CDC42BPB: variants seen among roughly 807,000 people sequenced by gnomAD.
CDC42BPB encodes the protein CDC42 binding protein kinase beta.
In CDC42BPB, 37 loss-of-function variants were observed where a neutral mutation model predicts 214.9. That is an observed-to-expected ratio of 0.17 (90% CI 0.13 to 0.23). The LOEUF (loss-of-function observed/expected upper bound fraction) is 0.23. Ranked by LOEUF, CDC42BPB falls within the 10% of genes least tolerant of loss-of-function variation. The probability of loss-of-function intolerance (pLI) is 1.00; values close to 1 mark genes in which losing one functional copy is unlikely to be tolerated. For synonymous variants in CDC42BPB, 931 were observed against 884.0 expected, an observed-to-expected ratio of 1.05 and a Z score of -0.94; for missense variants, 1,694 against 2,227.0, an observed-to-expected ratio of 0.76 and a Z score of 4.82.
At chr14:102,954,487 TG>T in intron 22 of CDC42BPB, 114 bp downstream of exon 22, 2 of 1,379,454 alleles carry the variant, frequency 1.4e-6, no homozygotes, top group Middle Eastern at 2.5e-4. Flanking sequence ...CTTGAGCACC[TG>T]GGCAGAGGCC....
intron 1 of CDC42BPB, among the ~76,000 whole-genome samples, chr14:103,013,369 C>T (rs757946552): frequency 2.6e-5 from 4 of 152,210 alleles, no homozygotes; most frequent in Non-Finnish European, 4.4e-5. Flanking sequence ...CTGCTCTTCC[C>T]GGCCTCCTCA....
At chr14:103,044,155 G>A (rs182914852) in intron 1 of CDC42BPB, among the ~76,000 whole-genome samples, 12 of 152,202 alleles carry the variant, frequency 7.9e-5, no homozygotes, top group Admixed American at 7.2e-4. Context: ...AATAAACAAA[G>A]ACTTTTCAAC....
At chr14:102,952,452 G>T (rs776189553) in intron 24 of CDC42BPB, 46 bp downstream of exon 24, 1 of 1,228,398 alleles carries the variant, frequency 8.1e-7, no homozygotes, top group East Asian at 2.4e-5. Context: ...AGCTGCAGGG[G>T]TGTGGGGCTG....
At position 103,001,491 on chromosome 14, in the gene CDC42BPB, C is replaced by T. The variant is rs111566553; in HGVS notation, c.448-1778G>A. ...TCCAGATGAAGGGGTGCGTGCAAAG[C>T]GGCTAGGAGGAAAGTGGCAGCGGCA... is the stretch of plus-strand genomic sequence containing the variant. On this transcript the variant is annotated intron_variant, in intron 4 of 36. Transcript: ENST00000361246. The surrounding 1 kb of genome is among the most constrained non-coding windows in gnomAD (Gnocchi z 5.8). 7.9e-5 allele frequency among the ~76,000 whole-genome samples: 12 copies of T among 152,140 alleles called. No individual in the cohort carries two copies. Among genetic ancestry groups the T allele is most frequent in the African/African-American group, 1.4e-4 (6 of 41,426 alleles).
chr14:103,049,246 C>G (rs573964312), intron 1 of CDC42BPB, among the ~76,000 whole-genome samples: 1 of 152,192 alleles, frequency 6.6e-6, no homozygotes, highest in Admixed American at 6.5e-5. Context: ...AAGCACCCAC[C>G]AATATCCAAG....
At chr14:103,008,710 G>A (rs148324539) in intron 2 of CDC42BPB, 155 bp from the exon 3 acceptor site, 1 of 984,866 alleles carries the variant, frequency 1.0e-6, no homozygotes, top group African/African-American at 1.7e-5. Context: ...GCCAGTTCCT[G>A]CATCAAGAAC....
At position 102,938,086 on chromosome 14, in the gene CDC42BPB, G is replaced by A. The variant is rs1891718922; in HGVS notation, c.5004+18C>T. On this transcript the variant is annotated intron_variant, in intron 36 of 36. Transcript: ENST00000361246. ...GTGGTGGCTCATAGCCTCAGCACTG[G>A]ACCTGGGCAAGTCTCACCTCTTTGT... The A allele has an allele frequency of 1.2e-6, 2 of 1,613,026 alleles. No individual in the cohort carries two copies. Among genetic ancestry groups the A allele is most frequent in the African/African-American group, 1.3e-5 (1 of 74,930 alleles).
At chr14:103,036,181 CT>C (rs1217851690) in intron 1 of CDC42BPB, among the ~76,000 whole-genome samples, 1 of 142,996 alleles carries the variant, frequency 7.0e-6, no homozygotes, top group African/African-American at 2.6e-5. Context: ...GAGTGGGAGT[CT>C]CGCTCTGTCG....
intron 4 of CDC42BPB, chr14:102,999,951 A>C (rs1894904861): frequency 2.1e-6 from 2 of 970,868 alleles, no homozygotes; most frequent in Non-Finnish European, 2.4e-6. Flanking sequence ...TGATGTATTT[A>C]ATCAATGGGA....
intron 1 of CDC42BPB, among the ~76,000 whole-genome samples, chr14:103,046,099 G>A (rs1888267793): frequency 6.6e-6 from 1 of 152,054 alleles, no homozygotes; most frequent in African/African-American, 2.4e-5. Flanking sequence ...AAGGCCTGAG[G>A]GTAATGGGCA....
At chr14:103,023,901 T>C (rs1408728707) in intron 1 of CDC42BPB, among the ~76,000 whole-genome samples, 1 of 152,060 alleles carries the variant, frequency 6.6e-6, no homozygotes, top group African/African-American at 2.4e-5. Context: ...TGCAGGGAAA[T>C]CTAGTCCCAG....
rs555776858 is a variant in CDC42BPB, at chr14:103,030,388, G to A, written c.176-18200C>T. Among the ~76,000 whole-genome samples the A allele has an allele frequency of 2.0e-5, 3 of 152,326 alleles. No homozygotes were observed. In the East Asian group the frequency reaches 5.8e-4, roughly 29 times the overall value. ...CTCATTTTAAATGTTATTTATTTCA[G>A]CCTCAACAATTAAATGTGTTCAGGT... On this transcript the variant is annotated intron_variant, in intron 1 of 36. Coordinates refer to ENST00000361246, the MANE Select transcript of CDC42BPB (RefSeq NM_006035.4).
intron 5 of CDC42BPB, among the ~76,000 whole-genome samples, chr14:102,999,283 G>T (rs538939260): frequency 4.0e-4 from 61 of 152,144 alleles, no homozygotes; most frequent in African/African-American, 1.4e-3. Context: ...TAGGGAGGGG[G>T]TCTCAGACGG....
chr14:102,985,334 G>A (rs868769681), intron 6 of CDC42BPB, among the ~76,000 whole-genome samples: 288 of 139,536 alleles, frequency 2.1e-3, no homozygotes, highest in African/African-American at 8.1e-3. Flanking sequence ...TGGTTATACC[G>A]TGACAGGGTG....
rs1892012097 is a variant in CDC42BPB at position 102,943,788 on chromosome 14, T to C, written c.4408+103A>G. The C allele has an allele frequency of 1.9e-6, 2 of 1,032,486 alleles. No individual in the cohort carries two copies. Among genetic ancestry groups the C allele is most frequent in the African/African-American group, 1.6e-5 (1 of 62,678 alleles). The allele number at this position is 1,032,486 out of a possible 1,614,324, so 64.0% of individuals were successfully genotyped here. A position where few individuals can be genotyped will look rare whatever the true frequency, so the allele number is the denominator to read the frequency against. ...ACCTCTCCCGATGCTCTGTGACTACTCAACTAAGGGACTGGAAGACAAACC... is the reference window on the plus strand; with the variant it reads ...ACCTCTCCCGATGCTCTGTGACTACCCAACTAAGGGACTGGAAGACAAACC... On this transcript the variant is annotated intron_variant, in intron 30 of 36. Coordinates refer to ENST00000361246, the MANE Select transcript of CDC42BPB (RefSeq NM_006035.4). This position sits in a 1 kb window ranked among gnomAD's most constrained non-coding sequence, Gnocchi z 4.6.
chr14:102,945,806 TCA>T (rs1324247554), intron 28 of CDC42BPB, 82 bp from the exon 29 acceptor site: 1 of 1,184,782 alleles, frequency 8.4e-7, no homozygotes, highest in South Asian at 1.2e-5. Context: ...GTGGGCTCAT[TCA>T]CAGATACTTT....
intron 5 of CDC42BPB, among the ~76,000 whole-genome samples, chr14:102,992,125 C>T (rs1894521524): frequency 6.6e-6 from 1 of 152,102 alleles, no homozygotes; most frequent in South Asian, 2.1e-4. Context: ...GGGGTGGTGA[C>T]CCCTGGGGAG....
intron 1 of CDC42BPB, among the ~76,000 whole-genome samples, chr14:103,053,577 C>G (rs185163725): frequency 1.3e-5 from 2 of 151,054 alleles, no homozygotes; most frequent in African/African-American, 4.8e-5. Flanking sequence ...CTGGCTAACA[C>G]GGTGAAACCC....
chr14:102,963,322 C>T (rs761114331), intron 19 of CDC42BPB, 167 bp from the exon 20 acceptor site: 226 of 978,510 alleles, frequency 2.3e-4, no homozygotes, highest in Middle Eastern at 5.2e-4. Flanking sequence ...ATGAACAGTA[C>T]GAATATTTCA....
Sources: allele counts gnomAD v4.1 joint callset (sites outside exome capture counted in the v4.1 genomes callset), GRCh38; gene constraint gnomAD v4.1.1; non-coding constraint Gnocchi (gnomAD v3.1); transcripts MANE v1.5; gene names NCBI Gene and HGNC (gene_info 2026-07-23, HGNC 2026-07-21).